The following CCDC73 variants were observed in gnomAD, a reference collection of about 807,000 sequenced individuals.
CCDC73 encodes the protein coiled-coil domain containing 73.
CCDC73 carries 95 observed loss-of-function variants against 116.5 expected under a neutral mutation model. The observed-to-expected ratio is 0.82, with a 90% CI of 0.69 to 0.97. CCDC73 has a LOEUF of 0.97. Ranked by LOEUF, CCDC73 falls within the 50% of genes least tolerant of loss-of-function variation. The probability of loss-of-function intolerance (pLI) is 0.00; values close to 1 mark genes in which losing one functional copy is unlikely to be tolerated. For missense variants in CCDC73, 1,066 were observed against 1,206.8 expected, an observed-to-expected ratio of 0.88 and a Z score of 1.73; for synonymous variants, 398 against 401.3, an observed-to-expected ratio of 0.99 and a Z score of 0.10.
the CCDC73 span, among the ~76,000 whole-genome samples, chr11:32,808,176 AT>A: frequency 1.3e-5 from 2 of 151,776 alleles, no homozygotes; most frequent in African/African-American, 2.4e-5. Context: ...AGGAAAAAAA[AT>A]ATCAGAATAA....
chr11:32,653,967 T>G lies in CCDC73; in HGVS notation c.834+11A>C, dbSNP rs776915728. ...TATTTACTGGCTTCCAAATAGCTTA[T>G]GATTGCTTACCTGTTTTTCTTCTTG... On this transcript the variant is annotated intron_variant, in intron 11 of 17. Coordinates refer to ENST00000335185, the MANE Select transcript of CCDC73 (RefSeq NM_001008391.4). 6.3e-7 allele frequency: 1 copy of G among 1,595,812 alleles called. No individual in the cohort carries two copies. Among genetic ancestry groups the G allele is most frequent in the African/African-American group, 1.3e-5 (1 of 74,268 alleles).
At chr11:32,768,026 T>C (rs1850458606) in intron 1 of CCDC73, among the ~76,000 whole-genome samples, 1 of 152,212 alleles carries the variant, frequency 6.6e-6, no homozygotes, top group African/African-American at 2.4e-5. Flanking sequence ...TGCACACGTA[T>C]GGTTATTGCG....
In CCDC73 at chr11:32,615,942, T is replaced by C; in HGVS notation, c.1373A>G (p.Asp458Gly). 7.8e-6 allele frequency: 12 copies of C among 1,542,816 alleles called. No individual in the cohort carries two copies. The highest frequency in any genetic ancestry group is 1.1e-5 in the Non-Finnish European group (12 of 1,129,522). Reference protein sequence around the residue: ...EGSFIEEIIIDDLQLFEKSFK... With the variant: ...EGSFIEEIIIGDLQLFEKSFK... ...TATCAATATAATTTTAAGGTTACCATCTATAATTATTTCCTCTATAAATGA... is the reference window on the plus strand; with the variant it reads ...TATCAATATAATTTTAAGGTTACCACCTATAATTATTTCCTCTATAAATGA... The change falls in exon 15 of 18, where the codon GAT becomes GGT. Residue 458 changes from aspartate (D) to glycine (G), a missense_variant and splice_region_variant. Physicochemically the swap from Asp to Gly is moderately conservative, Grantham distance 94. Coordinates refer to ENST00000335185, the MANE Select transcript of CCDC73 (RefSeq NM_001008391.4).
At chr11:32,765,210 A>T (rs1381634129) in intron 1 of CCDC73, among the ~76,000 whole-genome samples, 1 of 152,170 alleles carries the variant, frequency 6.6e-6, no homozygotes, top group African/African-American at 2.4e-5. Flanking sequence ...GCTCAATGAG[A>T]CAGAAAGTTA....
At chr11:32,604,144 A>C (rs866468588) in intron 17 of CCDC73, 8 of 152,210 alleles carry the variant, frequency 5.3e-5, no homozygotes, top group Non-Finnish European at 1.2e-4. Context: ...TTCTTTTAAG[A>C]TAGGGTCTCA....
At chr11:32,745,746 T>TTTTG (rs1850231466) in intron 2 of CCDC73, among the ~76,000 whole-genome samples, 2 of 6,282 alleles carry the variant, frequency 3.2e-4, no homozygotes, top group East Asian at 0.012. Flanking sequence ...TTTGTTTTGG[T>TTTTG]TTTTTTTTTT....
At chr11:32,710,045 T>C (rs545073343) in intron 3 of CCDC73, among the ~76,000 whole-genome samples, 4 of 152,236 alleles carry the variant, frequency 2.6e-5, no homozygotes, top group African/African-American at 9.6e-5. Context: ...GTATCAGTTG[T>C]AGCATCCCCT....
intron 9 of CCDC73, among the ~76,000 whole-genome samples, chr11:32,663,573 T>C (rs1399306272): frequency 1.3e-5 from 2 of 152,200 alleles, no homozygotes; most frequent in Non-Finnish European, 2.9e-5. Context: ...CTTAAGGAGA[T>C]TTTGGGCTGA....
chr11:32,660,290 C>T (rs922893659), intron 9 of CCDC73, among the ~76,000 whole-genome samples: 1 of 149,932 alleles, frequency 6.7e-6, no homozygotes, highest in African/African-American at 2.5e-5. Flanking sequence ...TCAAATCACG[C>T]CCTGAGAAGT....
intron 1 of CCDC73, among the ~76,000 whole-genome samples, chr11:32,774,817 G>A (rs1020601670): frequency 6.6e-6 from 1 of 152,158 alleles, no homozygotes; most frequent in Non-Finnish European, 1.5e-5. Context: ...CACAATGCAA[G>A]TACTTCAGGA....
chr11:32,654,051 A>G lies in CCDC73; in HGVS notation c.775-14T>C. 1.3e-6 allele frequency: 2 copies of G among 1,578,042 alleles called. No homozygotes were observed. Among genetic ancestry groups the G allele is most frequent in the South Asian group, 2.3e-5 (2 of 86,590 alleles). ...TAATTCCAATTCCTTTAAAATTTGA[A>G]TAGTTTTAAAGTTATGATATAAAAT... On this transcript the variant is annotated splice_polypyrimidine_tract_variant and intron_variant, in intron 10 of 17. Transcript: ENST00000335185.
intron 14 of CCDC73, among the ~76,000 whole-genome samples, chr11:32,634,475 A>G (rs1015757246): frequency 6.6e-6 from 1 of 152,220 alleles, no homozygotes; most frequent in Non-Finnish European, 1.5e-5. Context: ...CTCATTTGTG[A>G]TAAAAGCTCA....
chr11:32,680,118 G>C (rs1174785006), intron 7 of CCDC73: 1 of 152,088 alleles, frequency 6.6e-6, no homozygotes, highest in Non-Finnish European at 1.5e-5. Context: ...ATTTAGTTTT[G>C]AAAATGAGAT....
In CCDC73 at chr11:32,613,957, T is replaced by TA; in HGVS notation, c.2360_2361insT (p.Gln788ThrfsTer22). 1 of 1,611,164 alleles carries TA rather than the reference T, an allele frequency of 6.2e-7. No homozygotes were observed. The highest frequency in any genetic ancestry group is 8.5e-7 in the Non-Finnish European group (1 of 1,179,916). On this transcript the variant is annotated frameshift_variant, in exon 16 of 18. Coordinates refer to ENST00000335185, the MANE Select transcript of CCDC73 (RefSeq NM_001008391.4). LOFTEE classifies it high-confidence loss of function. Reference sequence around the variant, plus strand: ...CAGCAGTTTTCACATCTTTGGCTTGTGAAGCATGACTATTCTCATTGTTAA... The same window carrying TA: ...CAGCAGTTTTCACATCTTTGGCTTGTAGAAGCATGACTATTCTCATTGTTAA...
chr11:32,693,250 AG>A (rs1161334007), intron 6 of CCDC73, among the ~76,000 whole-genome samples: 1 of 152,218 alleles, frequency 6.6e-6, no homozygotes, highest in Non-Finnish European at 1.5e-5. Context: ...TAAAGGAGGG[AG>A]GGAAGTTGCT....
intron 14 of CCDC73, among the ~76,000 whole-genome samples, chr11:32,620,867 C>T (rs1855517812): frequency 6.6e-6 from 1 of 152,030 alleles, no homozygotes; most frequent in Non-Finnish European, 1.5e-5. Context: ...CACCAGCATT[C>T]CTATATGCCA....
intron 2 of CCDC73, chr11:32,758,589 C>A: frequency 2.3e-6 from 1 of 425,822 alleles, no homozygotes; most frequent in Non-Finnish European, 4.7e-6. Flanking sequence ...GTGTTGAAGG[C>A]ACAAGCACAG....
the CCDC73 span, among the ~76,000 whole-genome samples, chr11:32,828,512 G>GA: frequency 0.03 from 2,996 of 100,276 alleles, 78 homozygotes; most frequent in African/African-American, 0.078. Context: ...TCTGTCTCAA[G>GA]AAAAAAAAAA....
chr11:32,717,230 C>T (rs1444576007), intron 3 of CCDC73, among the ~76,000 whole-genome samples: 1 of 152,164 alleles, frequency 6.6e-6, no homozygotes, highest in African/African-American at 2.4e-5. Context: ...CATAATTACA[C>T]TTTCAGGTTT....
Sources: allele counts gnomAD v4.1 joint callset (sites outside exome capture counted in the v4.1 genomes callset), GRCh38; gene constraint gnomAD v4.1.1; transcripts MANE v1.5; gene names NCBI Gene and HGNC (gene_info 2026-07-23, HGNC 2026-07-21).